Variants in DMRT1 observed in about 807,000 individuals in gnomAD.
DMRT1 encodes doublesex- and mab-3-related transcription factor 1.
DMRT1 carries 7 observed loss-of-function variants against 32.3 expected under a neutral mutation model. That is an observed-to-expected ratio of 0.22 (90% CI 0.12 to 0.41). DMRT1 has a LOEUF of 0.41. DMRT1 is among the 10% of genes least tolerant of loss of function. The pLI, the probability that DMRT1 is intolerant of heterozygous loss-of-function variation, is 1.00. For synonymous variants in DMRT1, 278 were observed against 206.1 expected, an observed-to-expected ratio of 1.35 and a Z score of -2.99; for missense variants, 625 against 500.5, an observed-to-expected ratio of 1.25 and a Z score of -2.37.
At chr9:862,368 G>A (rs1306502606) in intron 2 of DMRT1, among the ~76,000 whole-genome samples, 5 of 152,040 alleles carry the variant, frequency 3.3e-5, no homozygotes, top group Non-Finnish European at 4.4e-5. Flanking sequence ...AGGTGTGGCG[G>A]CGCGCGCCTG....
chr9:956,112 G>A (rs1477964339), intron 4 of DMRT1, among the ~76,000 whole-genome samples: 10 of 152,194 alleles, frequency 6.6e-5, no homozygotes, highest in South Asian at 2.1e-4. Context: ...AAATTCTGAT[G>A]TATTCTACAA....
Position 842,230 on chromosome 9 carries a change from G to GGTTTTTTTTTTTTTTT in DMRT1, c.354+38_354+39insGTTTTTTTTTTTTTTT, listed in dbSNP as rs1554739423. On this transcript the variant is annotated intron_variant, in intron 1 of 4. Coordinates refer to ENST00000382276, the MANE Select transcript of DMRT1 (RefSeq NM_021951.3). ...GTGCGGGAGCCCGGGTTCAGCCTTA[G>GGTTTTTTTTTTTTTTT]TTTTTTTTTTTTTTTTTTTTTTTAG... is the stretch of plus-strand genomic sequence containing the variant. 212 of 1,267,068 alleles carry GGTTTTTTTTTTTTTTT rather than the reference G, an allele frequency of 1.7e-4. 2 individuals are homozygous for GGTTTTTTTTTTTTTTT. In the African/African-American group the frequency reaches 4.2e-3, roughly 25 times the overall value. 78.5% of individuals were successfully genotyped at this position (1,267,068 alleles called of 1,614,324 possible).
intron 2 of DMRT1, among the ~76,000 whole-genome samples, chr9:862,044 C>T (rs1045881156): frequency 9.9e-5 from 15 of 151,176 alleles, no homozygotes; most frequent in Admixed American, 6.6e-5. Context: ...AGGGGCTCCT[C>T]ACATCCCAGA....
intron 4 of DMRT1, among the ~76,000 whole-genome samples, chr9:947,310 A>G (rs1388873286): frequency 3.9e-5 from 6 of 152,282 alleles, no homozygotes; most frequent in South Asian, 4.1e-4. Context: ...TGCATTTTAC[A>G]TGTGGTCCAA....
intron 2 of DMRT1, among the ~76,000 whole-genome samples, chr9:861,790 G>A (rs149115910): frequency 0.21 from 23,554 of 111,536 alleles, 2,316 homozygotes; most frequent in East Asian, 0.45. Context: ...CTTCCCAGAC[G>A]GGGCGGCTGC....
chr9:859,034 C>T (rs1010097835), intron 2 of DMRT1, among the ~76,000 whole-genome samples: 7 of 152,040 alleles, frequency 4.6e-5, no homozygotes, highest in African/African-American at 1.7e-4. Context: ...TTCCCATTTA[C>T]CCCTCTCATG....
intron 2 of DMRT1, among the ~76,000 whole-genome samples, chr9:849,136 G>C (rs1219456704): frequency 6.6e-6 from 1 of 151,942 alleles, no homozygotes; most frequent in African/African-American, 2.4e-5. Flanking sequence ...GAAAACCAAG[G>C]CTTAGTAAAT....
intron 3 of DMRT1, among the ~76,000 whole-genome samples, chr9:912,254 C>T (rs763531257): frequency 1.5e-4 from 23 of 152,196 alleles, no homozygotes; most frequent in South Asian, 2.1e-4. Context: ...CAATCACCAC[C>T]GCCTACCACG....
intron 2 of DMRT1, among the ~76,000 whole-genome samples, chr9:848,078 C>A (rs1339696961): frequency 6.6e-6 from 1 of 152,210 alleles, no homozygotes; most frequent in Non-Finnish European, 1.5e-5. Flanking sequence ...CTGTAATTCA[C>A]AGAATATCTT....
intron 3 of DMRT1, among the ~76,000 whole-genome samples, chr9:910,806 T>A (rs1356393679): frequency 2.0e-5 from 3 of 152,162 alleles, no homozygotes; most frequent in African/African-American, 7.2e-5. Flanking sequence ...ACATGCCTCT[T>A]GCTTGCCAGT....
intron 2 of DMRT1, among the ~76,000 whole-genome samples, chr9:870,903 A>C (rs939197267): frequency 1.3e-5 from 2 of 151,744 alleles, no homozygotes; most frequent in Non-Finnish European, 2.9e-5. Flanking sequence ...ATGTAGAAAC[A>C]GGGTTTCTCC....
chr9:964,724 G>C lies in DMRT1; in HGVS notation c.968-3261G>C, dbSNP rs531914608. Among the ~76,000 whole-genome samples the C allele has an allele frequency of 7.9e-5, 12 of 152,234 alleles. No homozygotes were observed. In the South Asian group the frequency reaches 2.1e-3, roughly 26 times the overall value. ...AACATCTTCACTGACGGTGTGTTGAGCATCTCAGGCTCAATTATTCTTCCT... is the reference window on the plus strand; with the variant it reads ...AACATCTTCACTGACGGTGTGTTGACCATCTCAGGCTCAATTATTCTTCCT... On this transcript the variant is annotated intron_variant, in intron 4 of 4. Coordinates refer to ENST00000382276, the MANE Select transcript of DMRT1 (RefSeq NM_021951.3).
At chr9:956,649 G>A (rs1331975640) in intron 4 of DMRT1, among the ~76,000 whole-genome samples, 1 of 151,972 alleles carries the variant, frequency 6.6e-6, no homozygotes, top group African/African-American at 2.4e-5. Flanking sequence ...TAAATGTTCT[G>A]CTATGTGTAT....
intron 3 of DMRT1, among the ~76,000 whole-genome samples, chr9:902,182 T>C (rs933613805): frequency 6.6e-6 from 1 of 151,888 alleles, no homozygotes; most frequent in Non-Finnish European, 1.5e-5. Context: ...AGTGCTGGGA[T>C]TACAGGCGTG....
chr9:845,161 G>A (rs140588335), intron 1 of DMRT1, among the ~76,000 whole-genome samples: 1 of 152,164 alleles, frequency 6.6e-6, no homozygotes, highest in East Asian at 1.9e-4. Context: ...CATGTAGAAA[G>A]CAAAAATACA....
intron 2 of DMRT1, among the ~76,000 whole-genome samples, chr9:862,355 G>C (rs1815751953): frequency 6.6e-6 from 1 of 152,126 alleles, no homozygotes; most frequent in Non-Finnish European, 1.5e-5. Context: ...AGGAAAACCA[G>C]TCAGGTGTGG....
intron 4 of DMRT1, among the ~76,000 whole-genome samples, chr9:930,654 T>C (rs139313446): frequency 0.14 from 21,920 of 151,902 alleles, 1,715 homozygotes; most frequent in East Asian, 0.19. Flanking sequence ...GTGATCTGCC[T>C]GCCTCAGCTT....
chr9:888,131 G>C (rs1446061520), intron 2 of DMRT1, among the ~76,000 whole-genome samples: 2 of 152,126 alleles, frequency 1.3e-5, no homozygotes, highest in Non-Finnish European at 2.9e-5. Flanking sequence ...ACTGGAATAA[G>C]CATTTGAATA....
At chr9:855,011 C>T (rs1364850795) in intron 2 of DMRT1, among the ~76,000 whole-genome samples, 1 of 151,444 alleles carries the variant, frequency 6.6e-6, no homozygotes, top group Non-Finnish European at 1.5e-5. Flanking sequence ...TCGTGATCCG[C>T]CCGCCTCAGC....
Sources: gnomAD v4.1 joint callset for allele counts (sites outside exome capture counted in the v4.1 genomes callset) on GRCh38, gnomAD v4.1.1 for gene constraint, MANE v1.5 for transcripts, NCBI Gene and HGNC (gene_info 2026-07-23, HGNC 2026-07-21) for gene names.